Variants in TGFA observed in about 807,000 individuals in gnomAD.
TGFA encodes the protein transforming growth factor alpha.
TGFA carries 12 observed loss-of-function variants against 21.7 expected under a neutral mutation model. The ratio of observed to expected loss-of-function variants is 0.55; its 90% CI spans 0.35 to 0.90. The LOEUF is 0.90. TGFA is among the 40% of genes least tolerant of loss of function. The pLI is 0.01. For missense variants in TGFA, 178 were observed against 210.8 expected, an observed-to-expected ratio of 0.84 and a Z score of 0.96; for synonymous variants, 79 against 88.1, an observed-to-expected ratio of 0.90 and a Z score of 0.58.
chr2:70,540,503 G>T (rs1673103587), intron 1 of TGFA, among the ~76,000 whole-genome samples: 1 of 152,030 alleles, frequency 6.6e-6, no homozygotes. Context: ...CAAGTTAGAT[G>T]TTTACCCCAC....
chr2:70,534,683 C>A (rs181949907), intron 1 of TGFA, among the ~76,000 whole-genome samples: 25 of 143,154 alleles, frequency 1.7e-4, no homozygotes, highest in Admixed American at 1.4e-3. Context: ...GAAAAAACCA[C>A]TCTACCATAC....
chr2:70,494,285 C>A (rs1425988846), intron 2 of TGFA, among the ~76,000 whole-genome samples: 2 of 152,232 alleles, frequency 1.3e-5, no homozygotes, highest in Non-Finnish European at 2.9e-5. Context: ...ACCCCACCTG[C>A]AAAGTCCCCT....
intron 4 of TGFA, among the ~76,000 whole-genome samples, chr2:70,453,791 A>G (rs1256510189): frequency 6.6e-6 from 1 of 152,188 alleles, no homozygotes; most frequent in Non-Finnish European, 1.5e-5. Flanking sequence ...CAGAACAAGG[A>G]ACTTGGATGG....
intron 2 of TGFA, among the ~76,000 whole-genome samples, chr2:70,483,156 T>TCC (rs1553496015): frequency 6.6e-6 from 1 of 152,222 alleles, no homozygotes; most frequent in Non-Finnish European, 1.5e-5. Flanking sequence ...TTATACAGCC[T>TCC]TATGCTGGTG....
At chr2:70,543,322 G>C (rs1673191357) in intron 1 of TGFA, among the ~76,000 whole-genome samples, 1 of 151,910 alleles carries the variant, frequency 6.6e-6, no homozygotes, top group South Asian at 2.1e-4. Flanking sequence ...GAGTCCAGGA[G>C]TTTGAGACCA....
chr2:70,466,262 A>T (rs1299195549), intron 2 of TGFA, among the ~76,000 whole-genome samples: 1 of 152,198 alleles, frequency 6.6e-6, no homozygotes. Context: ...TAATCCCAGC[A>T]CTCTGGGAGG....
intron 2 of TGFA, among the ~76,000 whole-genome samples, chr2:70,503,901 A>C (rs980732427): frequency 2.6e-5 from 4 of 152,194 alleles, no homozygotes; most frequent in African/African-American, 9.7e-5. Flanking sequence ...CTGCGTTTTC[A>C]TCCCCACTGA....
chr2:70,518,339 A>G (rs1672350007), intron 1 of TGFA, among the ~76,000 whole-genome samples: 1 of 152,240 alleles, frequency 6.6e-6, no homozygotes, highest in Non-Finnish European at 1.5e-5. Flanking sequence ...ACCACATGCA[A>G]CGGAAGAAAA....
intron 3 of TGFA, among the ~76,000 whole-genome samples, chr2:70,458,252 A>G (rs901188426): frequency 6.6e-6 from 1 of 152,318 alleles, no homozygotes; most frequent in Admixed American, 6.5e-5. Flanking sequence ...GTGATAAGCA[A>G]CAGGCTTAGG....
intron 1 of TGFA, among the ~76,000 whole-genome samples, chr2:70,527,537 T>C (rs1434564237): frequency 1.3e-5 from 2 of 152,212 alleles, no homozygotes; most frequent in East Asian, 3.8e-4. Flanking sequence ...TCATTATAAA[T>C]CTGTCCAAAC....
At position 70,502,420 on chromosome 2, in the gene TGFA, A is replaced by G. The variant is rs550301058; in HGVS notation, c.94+12439T>C. Among the ~76,000 whole-genome samples the G allele has an allele frequency of 1.5e-3, 224 of 152,208 alleles. 2 individuals carry two copies. The highest frequency in any genetic ancestry group is 2.7e-3 in the Non-Finnish European group (183 of 68,020). ...AATGGCATGATCTAGGCTCACTGCA[A>G]CCTTCGCTTCCCGGGTTCAAGTGGT... On this transcript the variant is annotated intron_variant, in intron 2 of 5. Coordinates refer to ENST00000295400, the MANE Select transcript of TGFA (RefSeq NM_003236.4).
At chr2:70,472,121 TA>T (rs373605585) in intron 2 of TGFA, among the ~76,000 whole-genome samples, 1 of 151,932 alleles carries the variant, frequency 6.6e-6, no homozygotes, top group Non-Finnish European at 1.5e-5. Flanking sequence ...ACTTAAAATT[TA>T]AAAAAAGAAT....
intron 1 of TGFA, among the ~76,000 whole-genome samples, chr2:70,544,202 G>A (rs890853795): frequency 3.3e-5 from 5 of 151,860 alleles, no homozygotes; most frequent in East Asian, 3.9e-4. Flanking sequence ...AACATTACCC[G>A]TAAAGCCATG....
At chr2:70,454,766 G>A (rs782504701) in intron 4 of TGFA, among the ~76,000 whole-genome samples, 16 of 152,302 alleles carry the variant, frequency 1.1e-4, no homozygotes, top group Non-Finnish European at 2.1e-4. Context: ...GGAGACCAAG[G>A]CTGGGAAGGG....
intron 1 of TGFA, among the ~76,000 whole-genome samples, chr2:70,544,138 TATATATA>T (rs1271101830): frequency 6.6e-6 from 1 of 152,010 alleles, no homozygotes; most frequent in Admixed American, 6.6e-5. Context: ...AATATATGTG[TATATATA>T]ATATATAACC....
intron 2 of TGFA, among the ~76,000 whole-genome samples, chr2:70,503,335 A>C (rs2103819266): frequency 6.6e-6 from 1 of 151,268 alleles, no homozygotes; most frequent in South Asian, 2.1e-4. Context: ...CAAAAAACCA[A>C]ACACCGCATG....
At position 70,491,710 on chromosome 2, in the gene TGFA, T is replaced by G. The variant is rs143748175; in HGVS notation, c.94+23149A>C. Among the ~76,000 whole-genome samples the G allele has an allele frequency of 2.0e-5, 3 of 152,298 alleles. No homozygotes were observed. In the East Asian group the frequency reaches 5.8e-4, roughly 29 times the overall value. ...GCACTGCCTTTATTCTTTGAAGGGC[T>G]CTTCCTTTATGAGCAAAAGACACTT... On this transcript the variant is annotated intron_variant, in intron 2 of 5. Coordinates refer to ENST00000295400, the MANE Select transcript of TGFA (RefSeq NM_003236.4).
chr2:70,455,930 C>T (rs868975763), intron 4 of TGFA, among the ~76,000 whole-genome samples: 5 of 152,342 alleles, frequency 3.3e-5, no homozygotes, highest in South Asian at 2.1e-4. Context: ...AACAATGGCC[C>T]TCGACATGTA....
chr2:70,456,548 T>G, intron 3 of TGFA, 60 bp from the exon 4 acceptor site: 3 of 1,529,498 alleles, frequency 2.0e-6, no homozygotes, highest in Non-Finnish European at 2.7e-6. Context: ...ACCCTAGCTC[T>G]CCAGGGAGGG....
Sources: gnomAD v4.1 joint callset for allele counts (sites outside exome capture counted in the v4.1 genomes callset) on GRCh38, gnomAD v4.1.1 for gene constraint, MANE v1.5 for transcripts, NCBI Gene and HGNC (gene_info 2026-07-23, HGNC 2026-07-21) for gene names.